Variants in SGCZ observed in about 807,000 individuals in gnomAD.
SGCZ encodes the protein zeta-sarcoglycan.
SGCZ carries 40 observed loss-of-function variants against 41.3 expected under a neutral mutation model. The ratio of observed to expected loss-of-function variants is 0.97; its 90% CI spans 0.75 to 1.26. The LOEUF is 1.26. Among genes scored for constraint, SGCZ ranks in the 50% most tolerant of loss-of-function variants. SGCZ has a pLI of 0.00. For synonymous variants in SGCZ, 206 were observed against 137.5 expected, an observed-to-expected ratio of 1.50 and a Z score of -3.49; for missense variants, 552 against 369.8, an observed-to-expected ratio of 1.49 and a Z score of -4.04.
rs529221566 is a variant in SGCZ at position 14,374,904 on chromosome 8, G to A, written c.235-50700C>T. On this transcript the variant is annotated intron_variant, in intron 2 of 7. Transcript: ENST00000382080. Reference sequence around the variant, plus strand: ...AAGCATTGTTCAAATTTCAGAATGAGAGGGAGATAGCAGCAAAGTAGGAGA... The same window carrying A: ...AAGCATTGTTCAAATTTCAGAATGAAAGGGAGATAGCAGCAAAGTAGGAGA... Among the ~76,000 whole-genome samples the A allele has an allele frequency of 3.9e-5, 6 of 152,308 alleles. No homozygotes were observed. The East Asian group carries it at 1.2e-3, about 29-fold the overall frequency.
At chr8:14,926,295 GTCA>G (rs900286218) in intron 1 of SGCZ, among the ~76,000 whole-genome samples, 1 of 152,016 alleles carries the variant, frequency 6.6e-6, no homozygotes, top group African/African-American at 2.4e-5. Context: ...AAAAAATATT[GTCA>G]TCATGTTTCA....
At chr8:15,080,635 G>A (rs1428978351) in intron 1 of SGCZ, among the ~76,000 whole-genome samples, 1 of 152,102 alleles carries the variant, frequency 6.6e-6, no homozygotes, top group Non-Finnish European at 1.5e-5. Flanking sequence ...TCTGTCACCA[G>A]GCTGGAGTGC....
chr8:14,755,099 A>G (rs1488449472), intron 1 of SGCZ, among the ~76,000 whole-genome samples: 1 of 152,070 alleles, frequency 6.6e-6, no homozygotes, highest in African/African-American at 2.4e-5. Context: ...TTTATTCACA[A>G]TACATTTATG....
chr8:15,060,090 C>T (rs1804863473), intron 1 of SGCZ, among the ~76,000 whole-genome samples: 2 of 151,968 alleles, frequency 1.3e-5, no homozygotes, highest in Non-Finnish European at 2.9e-5. Context: ...ACTAGTTCAA[C>T]CATTGTGGAA....
intron 1 of SGCZ, among the ~76,000 whole-genome samples, chr8:15,165,013 C>T (rs1799619032): frequency 6.6e-6 from 1 of 152,090 alleles, no homozygotes; most frequent in Admixed American, 6.5e-5. Context: ...CTAATTAGGC[C>T]AGGCGCAGTG....
At chr8:15,070,261 C>T (rs560618704) in intron 1 of SGCZ, among the ~76,000 whole-genome samples, 2 of 152,092 alleles carry the variant, frequency 1.3e-5, no homozygotes, top group Non-Finnish European at 2.9e-5. Context: ...ATTATAAACA[C>T]TAAATTCGGT....
At chr8:14,379,811 A>G (rs1036817142) in intron 2 of SGCZ, among the ~76,000 whole-genome samples, 6 of 152,158 alleles carry the variant, frequency 3.9e-5, no homozygotes, top group Admixed American at 3.9e-4. Flanking sequence ...AGCACACTGC[A>G]GCCTCCACCT....
At chr8:14,634,434 T>C (rs934463153) in intron 1 of SGCZ, among the ~76,000 whole-genome samples, 19 of 151,926 alleles carry the variant, frequency 1.3e-4, no homozygotes, top group African/African-American at 4.6e-4. Flanking sequence ...TTTGAGTATT[T>C]GGCCACTTAA....
At chr8:14,240,947 C>A (rs988603871) in intron 3 of SGCZ, among the ~76,000 whole-genome samples, 4 of 152,106 alleles carry the variant, frequency 2.6e-5, no homozygotes, top group African/African-American at 4.8e-5. Flanking sequence ...CAATCCTAAG[C>A]AATTCATAAA....
intron 4 of SGCZ, among the ~76,000 whole-genome samples, chr8:14,225,601 A>T (rs1806345932): frequency 6.6e-6 from 1 of 152,204 alleles, no homozygotes; most frequent in African/African-American, 2.4e-5. Context: ...AAAAAGTCAG[A>T]GGGATAGATT....
intron 1 of SGCZ, among the ~76,000 whole-genome samples, chr8:14,639,799 A>G (rs1434932958): frequency 4.0e-5 from 6 of 151,614 alleles, no homozygotes; most frequent in South Asian, 2.1e-4. Flanking sequence ...TTCTTGATAC[A>G]GGATAATTTC....
chr8:14,372,722 G>A (rs771663159), intron 2 of SGCZ, among the ~76,000 whole-genome samples: 8 of 152,086 alleles, frequency 5.3e-5, no homozygotes, highest in Middle Eastern at 3.2e-3. Flanking sequence ...TAAGAAATGC[G>A]AAGACTCAGA....
At chr8:14,650,997 G>A (rs1807379841) in intron 1 of SGCZ, among the ~76,000 whole-genome samples, 1 of 151,860 alleles carries the variant, frequency 6.6e-6, no homozygotes, top group Non-Finnish European at 1.5e-5. Flanking sequence ...ATAAAACCAA[G>A]TCTATTTGAT....
In SGCZ at chr8:14,269,889, T is replaced by C. The variant is rs538664563; in HGVS notation, c.337-32210A>G. On this transcript the variant is annotated intron_variant, in intron 3 of 7. Transcript: ENST00000382080. ...GTGTGCTGTCATGTATGTTTATTTGTTATGTAAATATGTATTTATAATTTA... is the reference window on the plus strand; with the variant it reads ...GTGTGCTGTCATGTATGTTTATTTGCTATGTAAATATGTATTTATAATTTA... Among the ~76,000 whole-genome samples the C allele has an allele frequency of 5.9e-5, 9 of 152,256 alleles. No individual in the cohort carries two copies. In the East Asian group the frequency reaches 9.7e-4, roughly 16 times the overall value.
At chr8:15,231,218 C>G (rs559166415) in intron 1 of SGCZ, among the ~76,000 whole-genome samples, 1 of 152,122 alleles carries the variant, frequency 6.6e-6, no homozygotes, top group Admixed American at 6.5e-5. Flanking sequence ...TAAAGCTTTT[C>G]TGGCTGGATG....
At chr8:14,500,956 T>TA (rs71209054) in intron 2 of SGCZ, among the ~76,000 whole-genome samples, 38,596 of 150,304 alleles carry the variant, frequency 0.26, 4,929 homozygotes, top group Admixed American at 0.29. Context: ...ATTGCTGGTG[T>TA]AAAAAAAAAA....
chr8:14,387,964 T>G (rs942622975), intron 2 of SGCZ, among the ~76,000 whole-genome samples: 25 of 152,078 alleles, frequency 1.6e-4, no homozygotes, highest in African/African-American at 6.0e-4. Flanking sequence ...GCTTACCAAA[T>G]GTAGAATCTG....
At chr8:14,961,053 C>A (rs1234465311) in intron 1 of SGCZ, among the ~76,000 whole-genome samples, 1 of 151,870 alleles carries the variant, frequency 6.6e-6, no homozygotes, top group East Asian at 1.9e-4. Flanking sequence ...CTTTTATGTG[C>A]TTAGCATTTT....
intron 4 of SGCZ, among the ~76,000 whole-genome samples, chr8:14,198,087 A>C (rs1805325981): frequency 6.6e-6 from 1 of 152,226 alleles, no homozygotes; most frequent in African/African-American, 2.4e-5. Context: ...GTGGTTATTA[A>C]ATGGAAAATT....
Sources: gnomAD v4.1 joint callset for allele counts (sites outside exome capture counted in the v4.1 genomes callset) on GRCh38, gnomAD v4.1.1 for gene constraint, MANE v1.5 for transcripts, NCBI Gene and HGNC (gene_info 2026-07-23, HGNC 2026-07-21) for gene names.